Variants in PCBP3 observed in about 807,000 individuals in gnomAD.
PCBP3 encodes the protein poly(rC) binding protein 3.
Under a neutral mutation model 52.7 loss-of-function variants are expected in PCBP3, and 25 were observed. The observed-to-expected ratio is 0.47, with a 90% CI of 0.35 to 0.66. PCBP3 has a LOEUF of 0.66. Ranked by LOEUF, PCBP3 falls within the 30% of genes least tolerant of loss-of-function variation. The pLI, the probability that PCBP3 is intolerant of heterozygous loss-of-function variation, is 0.01. For missense variants in PCBP3, 391 were observed against 490.3 expected (o/e 0.80, Z 1.91); for synonymous variants, 162 against 183.0 (o/e 0.89, Z 0.93).
rs545669892 is a variant in PCBP3, at chr21:45,768,300, T to C, written c.-126+12848T>C. Among the ~76,000 whole-genome samples the C allele has an allele frequency of 8.5e-5, 13 of 152,356 alleles. No individual in the cohort carries two copies. The South Asian group carries it at 2.5e-3, about 29-fold the overall frequency. Reference sequence around the variant, plus strand: ...TCTCAGCGAAAGCACTTGGACAAGATGAAGGTTTCCAGCACTGCGAGACTC... The same window carrying C: ...TCTCAGCGAAAGCACTTGGACAAGACGAAGGTTTCCAGCACTGCGAGACTC... On this transcript the variant is annotated intron_variant, in intron 4 of 17. Coordinates refer to ENST00000681687, the MANE Select transcript of PCBP3 (RefSeq NM_001384156.1).
chr21:45,808,633 A>C (rs1030929229), intron 4 of PCBP3, among the ~76,000 whole-genome samples: 1 of 152,242 alleles, frequency 6.6e-6, no homozygotes, highest in African/African-American at 2.4e-5. Flanking sequence ...CAGTATGGCG[A>C]TTCCTCAAGG....
chr21:45,826,901 T>TC (rs2093322940), intron 4 of PCBP3, among the ~76,000 whole-genome samples: 1 of 151,972 alleles, frequency 6.6e-6, no homozygotes, highest in African/African-American at 2.4e-5. Flanking sequence ...GGCCACAGCC[T>TC]CCCCCGAGTC....
At chr21:45,834,354 A>C (rs2093529636) in intron 4 of PCBP3, among the ~76,000 whole-genome samples, 1 of 152,194 alleles carries the variant, frequency 6.6e-6, no homozygotes, top group African/African-American at 2.4e-5. Flanking sequence ...ATGAATGACT[A>C]AATGCTTTCC....
At chr21:45,929,874 G>T (rs764924869) in intron 13 of PCBP3, 43 bp from the exon 14 acceptor site, 1 of 1,448,344 alleles carries the variant, frequency 6.9e-7, no homozygotes, top group Non-Finnish European at 9.7e-7. Context: ...ACTTGTACTC[G>T]ATGACAATAA....
At chr21:45,935,482 C>A (rs1029413931) in intron 16 of PCBP3, 177 bp downstream of exon 16, 27 of 697,332 alleles carry the variant, frequency 3.9e-5, no homozygotes, top group Admixed American at 1.8e-4. Context: ...GTTTAATGCC[C>A]ATAAAAAGTT....
chr21:45,658,656 C>G (rs1264476183), intron 1 of PCBP3, among the ~76,000 whole-genome samples: 1 of 152,114 alleles, frequency 6.6e-6, no homozygotes, highest in Non-Finnish European at 1.5e-5. Flanking sequence ...CTATAGTTTT[C>G]TTGTGATCTC....
intron 2 of PCBP3, among the ~76,000 whole-genome samples, chr21:45,674,963 C>T (rs576126416): frequency 3.7e-4 from 56 of 152,306 alleles, no homozygotes; most frequent in African/African-American, 1.3e-3. Flanking sequence ...CCCACCATTT[C>T]TATTTCTCTT....
chr21:45,745,384 G>A, intron 3 of PCBP3, among the ~76,000 whole-genome samples: 1 of 152,328 alleles, frequency 6.6e-6, no homozygotes, highest in East Asian at 1.9e-4. Flanking sequence ...GTTGACATCA[G>A]CGTTCCTGGA....
chr21:45,883,148 TTG>T (rs2095441156), intron 5 of PCBP3, among the ~76,000 whole-genome samples: 1 of 152,230 alleles, frequency 6.6e-6, no homozygotes, highest in Non-Finnish European at 1.5e-5. Flanking sequence ...GATTCCCTCT[TTG>T]ACCCTTGGAT....
At chr21:45,901,342 T>A (rs960814694) in intron 9 of PCBP3, 2 of 494,432 alleles carry the variant, frequency 4.0e-6, no homozygotes, top group Non-Finnish European at 7.4e-6. Flanking sequence ...CTCCCGGCTG[T>A]ATGCCTTAGG....
chr21:45,678,308 A>AT (rs1227080643), intron 2 of PCBP3, among the ~76,000 whole-genome samples: 2 of 150,252 alleles, frequency 1.3e-5, no homozygotes, highest in Admixed American at 6.6e-5. Context: ...TCCATCTCAA[A>AT]AAAAAAAAAA....
In PCBP3 at chr21:45,817,931, G is replaced by A. The variant is rs1192198265; in HGVS notation, c.-125-32030G>A. The stretch of plus-strand genomic sequence containing the variant: ...TACAGAAAAATTATTGGAAAGTATA[G>A]AGCGTGCCACCTCCTCCCCTCATAC... On this transcript the variant is annotated intron_variant, in intron 4 of 17. Coordinates refer to ENST00000681687, the MANE Select transcript of PCBP3 (RefSeq NM_001384156.1). The surrounding 1 kb of genome is among the most constrained non-coding windows in gnomAD (Gnocchi z 4.3). 1.3e-5 allele frequency among the ~76,000 whole-genome samples: 2 copies of A among 152,160 alleles called. No homozygotes were observed. Among genetic ancestry groups the A allele is most frequent in the South Asian group, 2.1e-4 (1 of 4,828 alleles).
intron 4 of PCBP3, among the ~76,000 whole-genome samples, chr21:45,786,515 T>A (rs1416637573): frequency 6.6e-6 from 1 of 152,198 alleles, no homozygotes; most frequent in Non-Finnish European, 1.5e-5. Context: ...GGTCTCGAAC[T>A]CCTGATCTCG....
At chr21:45,708,682 G>C (rs1241151830) in intron 2 of PCBP3, among the ~76,000 whole-genome samples, 1 of 152,228 alleles carries the variant, frequency 6.6e-6, no homozygotes, top group East Asian at 1.9e-4. Context: ...ATACAATGAG[G>C]GGTTAATCCC....
chr21:45,644,940 T>C (rs1342952967), intron 1 of PCBP3, among the ~76,000 whole-genome samples: 2 of 152,090 alleles, frequency 1.3e-5, no homozygotes, highest in Non-Finnish European at 2.9e-5. Flanking sequence ...CCCAAAGGAG[T>C]GTGCAAGGGT....
intron 6 of PCBP3, among the ~76,000 whole-genome samples, chr21:45,897,498 C>T (rs2095862883): frequency 6.6e-6 from 1 of 152,208 alleles, no homozygotes; most frequent in Non-Finnish European, 1.5e-5. Flanking sequence ...ACTTTCAGAG[C>T]ATGTGTTTCT....
At chr21:45,710,200 C>T (rs1023228197) in intron 2 of PCBP3, among the ~76,000 whole-genome samples, 4 of 152,146 alleles carry the variant, frequency 2.6e-5, no homozygotes, top group Admixed American at 6.5e-5. Context: ...CTGTGCACAA[C>T]GTGCAGGTTT....
intron 4 of PCBP3, among the ~76,000 whole-genome samples, chr21:45,844,075 C>T (rs1429987232): frequency 4.6e-5 from 7 of 151,978 alleles, no homozygotes; most frequent in African/African-American, 1.7e-4. Context: ...TCTCCTTGAC[C>T]TTCTTTCAGT....
At chr21:45,939,238 C>T (rs563538401) in intron 16 of PCBP3, among the ~76,000 whole-genome samples, 4 of 152,354 alleles carry the variant, frequency 2.6e-5, no homozygotes, top group East Asian at 1.9e-4. Context: ...GTGGCCTATG[C>T]GTGCATGAAG....
Sources: allele counts gnomAD v4.1 joint callset (sites outside exome capture counted in the v4.1 genomes callset), GRCh38; gene constraint gnomAD v4.1.1; non-coding constraint Gnocchi (gnomAD v3.1); transcripts MANE v1.5; gene names NCBI Gene and HGNC (gene_info 2026-07-23, HGNC 2026-07-21).